The following DCDC1 variants were observed in gnomAD, a reference collection of about 807,000 sequenced individuals.
The protein encoded by DCDC1 is doublecortin domain containing 1.
In DCDC1, 200 loss-of-function variants were observed where a neutral mutation model predicts 178.3. The ratio of observed to expected loss-of-function variants is 1.12; its 90% CI spans 1.00 to 1.26. The LOEUF (loss-of-function observed/expected upper bound fraction) is 1.26, where lower values mean the gene tolerates loss of function less well. Ranked by LOEUF, DCDC1 falls within the 50% of genes most tolerant of loss-of-function variation. The pLI, the probability that DCDC1 is intolerant of heterozygous loss-of-function variation, is 0.00. For synonymous variants in DCDC1, 690 were observed against 604.8 expected (o/e 1.14, Z -2.07); for missense variants, 1,983 against 1,749.2 (o/e 1.13, Z -2.38).
intron 38 of DCDC1, among the ~76,000 whole-genome samples, chr11:30,878,157 C>T (rs989066908): frequency 1.3e-5 from 2 of 151,990 alleles, no homozygotes; most frequent in South Asian, 4.1e-4. Flanking sequence ...AGGGTAATAA[C>T]CTTCAAAAAA....
intron 27 of DCDC1, among the ~76,000 whole-genome samples, chr11:30,915,219 G>C (rs1024467248): frequency 2.0e-5 from 3 of 152,130 alleles, no homozygotes; most frequent in Non-Finnish European, 2.9e-5. Flanking sequence ...AAATGACATT[G>C]ATGCAAGTTC....
intron 20 of DCDC1, among the ~76,000 whole-genome samples, chr11:31,046,889 G>A (rs969254399): frequency 6.6e-6 from 1 of 152,028 alleles, no homozygotes; most frequent in Admixed American, 6.6e-5. Context: ...ATTGTTAGGG[G>A]AGCCATCATT....
At chr11:31,123,186 A>G (rs1263196668) in intron 11 of DCDC1, among the ~76,000 whole-genome samples, 1 of 152,080 alleles carries the variant, frequency 6.6e-6, no homozygotes, top group African/African-American at 2.4e-5. Flanking sequence ...GCCAATTTCT[A>G]TTTTATAAAT....
At chr11:31,281,049 C>T (rs969119960) in intron 7 of DCDC1, 1 of 487,908 alleles carries the variant, frequency 2.0e-6, no homozygotes, top group East Asian at 5.1e-5. Context: ...TCCCATTCTC[C>T]TTAAATTTCA....
intron 1 of DCDC1, among the ~76,000 whole-genome samples, chr11:31,365,053 T>C (rs1951892148): frequency 6.6e-6 from 1 of 152,166 alleles, no homozygotes; most frequent in Non-Finnish European, 1.5e-5. Flanking sequence ...TCCTCTGGCA[T>C]AGTACTTCCT....
intron 21 of DCDC1, among the ~76,000 whole-genome samples, chr11:30,933,707 C>T (rs1947084498): frequency 6.6e-6 from 1 of 152,166 alleles, no homozygotes; most frequent in Admixed American, 6.6e-5. Flanking sequence ...GAAACACACT[C>T]ACGCATCCAA....
chr11:31,107,817 AG>A (rs1291215645), intron 12 of DCDC1, among the ~76,000 whole-genome samples: 1 of 151,840 alleles, frequency 6.6e-6, no homozygotes, highest in East Asian at 1.9e-4. Context: ...CTCTTCCCCC[AG>A]CCTTCTGTCA....
chr11:30,931,820 T>G lies in DCDC1; in HGVS notation c.2848A>C (p.Arg950=). Residue 950 remains arginine (R), a synonymous_variant, in exon 22 of 39, where the codon AGA becomes CGA. Coordinates refer to ENST00000684477, the MANE Select transcript of DCDC1 (RefSeq NM_001387274.1). ...TCTGGACCAAGGATAGTAACGGATC[T>G]GTTTTTATTCTTCTCTCCATTCTGC... ...VLQNGEKNKN[R]SVTILGPDIS... 6.2e-7 allele frequency: 1 copy of G among 1,612,938 alleles called. No homozygotes were observed. Among genetic ancestry groups the G allele is most frequent in the Non-Finnish European group, 8.5e-7 (1 of 1,179,282 alleles).
intron 9 of DCDC1, among the ~76,000 whole-genome samples, chr11:31,186,949 C>T (rs1284436402): frequency 6.6e-6 from 1 of 152,128 alleles, no homozygotes; most frequent in Non-Finnish European, 1.5e-5. Flanking sequence ...TCTTGCTTCC[C>T]TGTTATGGTG....
chr11:31,247,774 T>C (rs1287899950), intron 8 of DCDC1, among the ~76,000 whole-genome samples: 2 of 152,068 alleles, frequency 1.3e-5, no homozygotes, highest in Non-Finnish European at 2.9e-5. Context: ...TTTATACAAG[T>C]AGAAATAAGC....
chr11:31,200,556 A>T (rs1040272461), intron 9 of DCDC1, among the ~76,000 whole-genome samples: 1 of 152,120 alleles, frequency 6.6e-6, no homozygotes, highest in Non-Finnish European at 1.5e-5. Context: ...ACACAAGTCA[A>T]TTGTTAGATC....
intron 9 of DCDC1, among the ~76,000 whole-genome samples, chr11:31,201,376 A>G (rs541836914): frequency 1.3e-5 from 2 of 152,074 alleles, no homozygotes; most frequent in Admixed American, 1.3e-4. Context: ...CATCTGTCAT[A>G]TGACAAAAAT....
At chr11:31,183,149 A>G (rs1003955243) in intron 9 of DCDC1, among the ~76,000 whole-genome samples, 3 of 152,220 alleles carry the variant, frequency 2.0e-5, no homozygotes, top group Non-Finnish European at 4.4e-5. Context: ...ACACAATAAT[A>G]GTGAGAGATT....
chr11:31,294,868 A>AAGAG (rs1187297426), intron 6 of DCDC1, among the ~76,000 whole-genome samples: 3 of 148,832 alleles, frequency 2.0e-5, no homozygotes, highest in East Asian at 2.0e-4. Flanking sequence ...GAAAGAAAGA[A>AAGAG]AAAGAAAACA....
chr11:30,950,760 A>C (rs1221039954), intron 21 of DCDC1, among the ~76,000 whole-genome samples: 1 of 152,162 alleles, frequency 6.6e-6, no homozygotes. Flanking sequence ...ACAAAACTAC[A>C]GTTTAGATAG....
In DCDC1 at chr11:30,952,235, A is replaced by C. The variant is rs955575645; in HGVS notation, c.2715+210T>G. 2.0e-5 allele frequency among the ~76,000 whole-genome samples: 3 copies of C among 152,336 alleles called. No homozygotes were observed. The East Asian group carries it at 5.8e-4, about 29-fold the overall frequency. ...CAAAATATATGAAGCAATATTTGAC[A>C]GATTACAAGAAAAAATAGATAAGTT... is the stretch of plus-strand genomic sequence containing the variant. On this transcript the variant is annotated intron_variant, in intron 21 of 38. Transcript: ENST00000684477.
intron 36 of DCDC1, among the ~76,000 whole-genome samples, chr11:30,888,090 AAG>A (rs1344975957): frequency 5.0e-4 from 63 of 126,732 alleles, no homozygotes; most frequent in African/African-American, 1.7e-3. Context: ...GAGAGAAAGA[AAG>A]AAAGAAAAAG....
intron 5 of DCDC1, 134 bp from the exon 6 acceptor site, chr11:31,305,911 G>A (rs1948426613): frequency 2.9e-6 from 3 of 1,051,006 alleles, no homozygotes; most frequent in Middle Eastern, 4.7e-4. Flanking sequence ...TTTTCTAGCA[G>A]TTGAAAATAT....
chr11:30,872,461 T>C (rs1047637662), intron 38 of DCDC1, among the ~76,000 whole-genome samples: 1 of 152,198 alleles, frequency 6.6e-6, no homozygotes, highest in Non-Finnish European at 1.5e-5. Flanking sequence ...GAATAAAATA[T>C]GGTATGAAAA....
Sources: gnomAD v4.1 joint callset for allele counts (sites outside exome capture counted in the v4.1 genomes callset) on GRCh38, gnomAD v4.1.1 for gene constraint, MANE v1.5 for transcripts, NCBI Gene and HGNC (gene_info 2026-07-23, HGNC 2026-07-21) for gene names.